METTL16: variants seen among roughly 807,000 people sequenced by gnomAD.
METTL16 encodes the protein methyltransferase 16, RNA N6-adenosine, also known as RNA N(6)-adenosine-methyltransferase METTL16.
Under a neutral mutation model 57.9 loss-of-function variants are expected in METTL16, and 19 were observed. The observed-to-expected ratio is 0.33, with a 90% CI of 0.23 to 0.48. METTL16 has a LOEUF of 0.48. METTL16 is among the 20% of genes least tolerant of loss of function. The pLI is 0.99. For missense variants in METTL16, 434 were observed against 691.5 expected (o/e 0.63, Z 4.18); for synonymous variants, 246 against 255.6 (o/e 0.96, Z 0.36).
chr17:2,499,041 G>T (rs182149700), intron 2 of METTL16, among the ~76,000 whole-genome samples: 1 of 151,444 alleles, frequency 6.6e-6, no homozygotes, highest in African/African-American at 2.4e-5. Context: ...AGACCATTTC[G>T]GTTTCAAATC....
chr17:2,418,705 G>A lies in METTL16; in HGVS notation c.*1265C>T, dbSNP rs943575093. ...CTTCCTGTGTCTCTGCCGAGGGCCT[G>A]ATCTAGCTGCTGCCAAGACATGCCA... On this transcript the variant is annotated 3_prime_UTR_variant, in exon 10 of 10. Coordinates refer to ENST00000263092, the MANE Select transcript of METTL16 (RefSeq NM_024086.4). 1 of 152,418 alleles carries A rather than the reference G, an allele frequency of 6.6e-6. No homozygotes were observed. The highest frequency in any genetic ancestry group is 6.5e-5 in the Admixed American group (1 of 15,284). 9.4% of individuals were successfully genotyped at this position (152,418 alleles called of 1,614,324 possible). A position where few individuals can be genotyped will look rare whatever the true frequency, so the allele number is the denominator to read the frequency against.
chr17:2,504,718 C>G lies in METTL16; in HGVS notation c.1-2387G>C, dbSNP rs1024752777. Among the ~76,000 whole-genome samples, 3 of 152,170 alleles carry G rather than the reference C, an allele frequency of 2.0e-5. No individual in the cohort carries two copies. The East Asian group carries it at 5.8e-4, about 29-fold the overall frequency. ...CTATAGGTATGTGCCACCATGCCACCACGCCTGGCTAATTTATTTTTAATT... is the reference window on the plus strand; with the variant it reads ...CTATAGGTATGTGCCACCATGCCACGACGCCTGGCTAATTTATTTTTAATT... On this transcript the variant is annotated intron_variant, in intron 1 of 9. Coordinates refer to ENST00000263092, the MANE Select transcript of METTL16 (RefSeq NM_024086.4).
chr17:2,443,034 G>C (rs1305273519), intron 6 of METTL16, among the ~76,000 whole-genome samples: 6 of 151,914 alleles, frequency 3.9e-5, no homozygotes, highest in Non-Finnish European at 8.8e-5. Flanking sequence ...CTGTCGCCCA[G>C]GCTGGAGTGC....
chr17:2,443,783 G>A (rs1250565899), intron 6 of METTL16, among the ~76,000 whole-genome samples: 1 of 152,178 alleles, frequency 6.6e-6, no homozygotes, highest in Admixed American at 6.5e-5. Context: ...ACAGGGGTGA[G>A]CCACCGCACC....
intron 7 of METTL16, among the ~76,000 whole-genome samples, chr17:2,439,022 C>T (rs1033222246): frequency 6.6e-6 from 1 of 152,128 alleles, no homozygotes. Context: ...TTGCATCTGA[C>T]CCTTTTGCTG....
At chr17:2,493,331 C>T (rs1286328812) in intron 2 of METTL16, among the ~76,000 whole-genome samples, 4 of 151,266 alleles carry the variant, frequency 2.6e-5, no homozygotes, top group South Asian at 2.1e-4. Flanking sequence ...CCTCATGATC[C>T]GCCCGCCTTG....
Position 2,419,717 on chromosome 17 carries a change from GA to G in METTL16, c.*252del. On this transcript the variant is annotated 3_prime_UTR_variant, in exon 10 of 10. Coordinates refer to ENST00000263092, the MANE Select transcript of METTL16 (RefSeq NM_024086.4). ...CTTGAGCCAGCTTGCAATCCCTCGG[GA>G]GTTTACTGAGGGCTTTCTGTTGTTA... 1.5e-6 allele frequency: 1 copy of G among 656,270 alleles called. No individual in the cohort carries two copies. The highest frequency in any genetic ancestry group is 2.8e-6 in the Non-Finnish European group (1 of 356,566). 40.7% of individuals were successfully genotyped at this position (656,270 alleles called of 1,614,324 possible). A position where few individuals can be genotyped will look rare whatever the true frequency, so the allele number is the denominator to read the frequency against.
chr17:2,506,106 T>G (rs1248800002), intron 1 of METTL16, among the ~76,000 whole-genome samples: 1 of 152,042 alleles, frequency 6.6e-6, no homozygotes, highest in African/African-American at 2.4e-5. Context: ...CAGGTTATTC[T>G]TTTTATCTGT....
chr17:2,470,183 C>T (rs1309483273), intron 4 of METTL16, among the ~76,000 whole-genome samples: 3 of 152,132 alleles, frequency 2.0e-5, no homozygotes, highest in Non-Finnish European at 4.4e-5. Flanking sequence ...GTCTAACACA[C>T]GTGTTTTCTC....
chr17:2,466,855 T>G (rs1597458030), intron 5 of METTL16, among the ~76,000 whole-genome samples: 1 of 151,852 alleles, frequency 6.6e-6, no homozygotes, highest in African/African-American at 2.4e-5. Context: ...GAGGCTGGAG[T>G]GCAGTAACAC....
intron 1 of METTL16, among the ~76,000 whole-genome samples, chr17:2,504,597 C>T (rs1238619132): frequency 1.3e-4 from 20 of 152,116 alleles, no homozygotes; most frequent in Admixed American, 1.3e-3. Context: ...ACTCTGTCAT[C>T]CAGGATGGAG....
intron 2 of METTL16, among the ~76,000 whole-genome samples, chr17:2,492,508 C>T (rs892065599): frequency 6.6e-6 from 1 of 152,156 alleles, no homozygotes; most frequent in African/African-American, 2.4e-5. Context: ...TCATTCTACA[C>T]AACTGCTAAC....
intron 8 of METTL16, among the ~76,000 whole-genome samples, chr17:2,423,854 T>G (rs2066788032): frequency 6.6e-6 from 1 of 152,182 alleles, no homozygotes; most frequent in South Asian, 2.1e-4. Flanking sequence ...GAGATTAAAA[T>G]AAGAAAATAC....
intron 7 of METTL16, among the ~76,000 whole-genome samples, chr17:2,440,098 A>T (rs2066936598): frequency 6.6e-6 from 1 of 152,154 alleles, no homozygotes; most frequent in African/African-American, 2.4e-5. Context: ...TTCTACTAAA[A>T]ATTTAAAAAT....
At chr17:2,444,380 G>A (rs566606328) in intron 6 of METTL16, among the ~76,000 whole-genome samples, 1 of 152,100 alleles carries the variant, frequency 6.6e-6, no homozygotes, top group African/African-American at 2.4e-5. Flanking sequence ...AACCCCAGAG[G>A]TGGAGGTTGC....
chr17:2,470,627 G>A (rs542894662), intron 4 of METTL16, among the ~76,000 whole-genome samples: 38 of 152,130 alleles, frequency 2.5e-4, no homozygotes, highest in African/African-American at 7.2e-4. Context: ...TGGGCAACAC[G>A]GTAAGACCCC....
downstream of METTL16, chr17:2,415,988 C>T (rs2066711645): frequency 6.6e-6 from 1 of 151,982 alleles, no homozygotes; most frequent in Non-Finnish European, 1.5e-5. Flanking sequence ...CAGCTGGGAC[C>T]ATTAAAAAAA....
At chr17:2,494,709 G>A (rs891407627) in intron 2 of METTL16, among the ~76,000 whole-genome samples, 14 of 151,566 alleles carry the variant, frequency 9.2e-5, no homozygotes, top group African/African-American at 3.4e-4. Flanking sequence ...CTCTAAAAAA[G>A]AAAAACAAGG....
intron 6 of METTL16, among the ~76,000 whole-genome samples, chr17:2,463,696 C>T (rs983684724): frequency 3.3e-5 from 5 of 151,736 alleles, no homozygotes; most frequent in Admixed American, 1.3e-4. Flanking sequence ...TCCTAACCTT[C>T]TGATCTGCCC....
Sources: gnomAD v4.1 joint callset for allele counts (sites outside exome capture counted in the v4.1 genomes callset) on GRCh38, gnomAD v4.1.1 for gene constraint, MANE v1.5 for transcripts, NCBI Gene and HGNC (gene_info 2026-07-23, HGNC 2026-07-21) for gene names.